Variants in LRRC2 observed in about 807,000 individuals in gnomAD.
LRRC2 encodes leucine rich repeat containing 2.
In LRRC2, 27 loss-of-function variants were observed where a neutral mutation model predicts 40.2. That is an observed-to-expected ratio of 0.67 (90% CI 0.49 to 0.93). The LOEUF (loss-of-function observed/expected upper bound fraction) is 0.93. LRRC2 is among the 40% of genes least tolerant of loss of function. LRRC2 has a pLI of 0.00. For synonymous variants in LRRC2, 147 were observed against 158.9 expected (o/e 0.92, Z 0.56); for missense variants, 402 against 439.6 (o/e 0.91, Z 0.76).
intron 5 of LRRC2, among the ~76,000 whole-genome samples, 174 bp from the exon 6 acceptor site, chr3:46,530,224 C>T (rs553315267): frequency 8.5e-5 from 13 of 152,230 alleles, no homozygotes; most frequent in African/African-American, 2.6e-4. Flanking sequence ...ACTGTGCACA[C>T]GTAGAGAAGT....
chr3:46,529,832 G>A, intron 6 of LRRC2, 73 bp downstream of exon 6: 1 of 1,484,734 alleles, frequency 6.7e-7, no homozygotes, highest in Non-Finnish European at 9.3e-7. Flanking sequence ...TACTATACAT[G>A]TTTCAAATGT....
At chr3:46,533,784 T>C (rs1704208538) in intron 4 of LRRC2, among the ~76,000 whole-genome samples, 1 of 146,886 alleles carries the variant, frequency 6.8e-6, no homozygotes. Flanking sequence ...CTTTTCTTTC[T>C]TTCTTTCTTT....
chr3:46,549,825 G>A (rs1704604269), intron 2 of LRRC2, among the ~76,000 whole-genome samples: 2 of 152,176 alleles, frequency 1.3e-5, no homozygotes, highest in South Asian at 2.1e-4. Flanking sequence ...GGGCCTCCAT[G>A]CAGCAAGCTT....
chr3:46,557,376 C>A (rs1163454737), intron 1 of LRRC2: 1 of 152,200 alleles, frequency 6.6e-6, no homozygotes, highest in Non-Finnish European at 1.5e-5. Context: ...TATAAAACGG[C>A]CTCATCCCTA....
At chr3:46,542,449 T>C (rs1460075159) in intron 3 of LRRC2, among the ~76,000 whole-genome samples, 1 of 151,584 alleles carries the variant, frequency 6.6e-6, no homozygotes, top group Admixed American at 6.6e-5. Flanking sequence ...GTGAGCCATG[T>C]TCATGCCACT....
intron 3 of LRRC2, among the ~76,000 whole-genome samples, chr3:46,542,383 G>C (rs6772937): frequency 0.31 from 46,431 of 151,664 alleles, 7,610 homozygotes; most frequent in Non-Finnish European, 0.37. Flanking sequence ...GTTGGTTCCA[G>C]CTACAGAGAA....
At chr3:46,551,750 GCTTTT>G in intron 1 of LRRC2, 140 bp from the exon 2 acceptor site, 2 of 153,042 alleles carry the variant, frequency 1.3e-5, no homozygotes, top group Non-Finnish European at 2.0e-5. Context: ...ATGACAGTTT[GCTTTT>G]TTTTTTTTTT....
chr3:46,531,109 G>A (rs983316594), intron 5 of LRRC2, among the ~76,000 whole-genome samples: 1 of 151,508 alleles, frequency 6.6e-6, no homozygotes, highest in African/African-American at 2.4e-5. Context: ...AAAAACTGAT[G>A]GAATTAAAAG....
Position 46,516,963 on chromosome 3 carries a change from T to C in LRRC2, c.*2051A>G, listed in dbSNP as rs574471085. 3.0e-4 allele frequency: 45 copies of C among 152,384 alleles called. No homozygotes were observed. Among genetic ancestry groups the C allele is most frequent in the African/African-American group, 1.1e-3 (44 of 41,582 alleles). 9.4% of individuals were successfully genotyped at this position (152,384 alleles called of 1,614,324 possible). Reference sequence around the variant, plus strand: ...GTGCTTCTTCCTTTAGAATCGCAACTGGCCCCACCTTGGAACGGTTTGGAG... The same window carrying C: ...GTGCTTCTTCCTTTAGAATCGCAACCGGCCCCACCTTGGAACGGTTTGGAG... On this transcript the variant is annotated 3_prime_UTR_variant, in exon 9 of 9. Coordinates refer to ENST00000395905, the MANE Select transcript of LRRC2 (RefSeq NM_024512.5).
At chr3:46,530,583 A>G (rs1270241211) in intron 5 of LRRC2, among the ~76,000 whole-genome samples, 2 of 152,250 alleles carry the variant, frequency 1.3e-5, no homozygotes, top group Non-Finnish European at 2.9e-5. Flanking sequence ...GGTAATTTAT[A>G]AAGAAAAGAG....
At chr3:46,538,879 G>A (rs991917433) in intron 4 of LRRC2, among the ~76,000 whole-genome samples, 166 bp downstream of exon 4, 1 of 152,156 alleles carries the variant, frequency 6.6e-6, no homozygotes, top group Non-Finnish European at 1.5e-5. Flanking sequence ...CCACCCAAAG[G>A]GATGCTGCAA....
intron 1 of LRRC2, among the ~76,000 whole-genome samples, chr3:46,553,614 T>C (rs1704715183): frequency 6.6e-6 from 1 of 151,910 alleles, no homozygotes; most frequent in South Asian, 2.1e-4. Context: ...CAGCCTCCCA[T>C]GTAGCTGGGA....
chr3:46,522,713 T>C lies in LRRC2; in HGVS notation c.930-1055A>G, dbSNP rs998641784. 4.7e-5 allele frequency among the ~76,000 whole-genome samples: 7 copies of C among 150,348 alleles called. No individual in the cohort carries two copies. The Middle Eastern group carries it at 0.01, about 221-fold the overall frequency. ...GGGCAATAGAATGAGAGAGATCCCA[T>C]CTCTGAAAATATAAGAATAAAATTA... is the stretch of plus-strand genomic sequence containing the variant. On this transcript the variant is annotated intron_variant, in intron 7 of 8. Coordinates refer to ENST00000395905, the MANE Select transcript of LRRC2 (RefSeq NM_024512.5).
intron 5 of LRRC2, 76 bp from the exon 6 acceptor site, chr3:46,530,126 G>C: frequency 8.2e-7 from 1 of 1,213,360 alleles, no homozygotes; most frequent in Non-Finnish European, 1.2e-6. Context: ...TTTTAAGATG[G>C]ATATTTCTTC....
intron 1 of LRRC2, chr3:46,559,751 C>T (rs1704893831): frequency 6.6e-6 from 1 of 152,112 alleles, no homozygotes; most frequent in Admixed American, 6.5e-5. Context: ...ACCAAAGGCC[C>T]TGACATATTT....
intron 5 of LRRC2, among the ~76,000 whole-genome samples, chr3:46,530,367 C>A (rs575771715): frequency 6.6e-6 from 1 of 152,150 alleles, no homozygotes; most frequent in Admixed American, 6.5e-5. Context: ...ATTGCTTGAG[C>A]CCAGAAGTTC....
At position 46,516,149 on chromosome 3, in the gene LRRC2, G is replaced by C. The variant is rs1703858952; in HGVS notation, c.*2865C>G. 6.6e-6 allele frequency: 1 copy of C among 151,608 alleles called. No individual in the cohort carries two copies. The highest frequency in any genetic ancestry group is 2.1e-4 in the South Asian group (1 of 4,784). The allele number at this position is 151,608 out of a possible 1,614,324, so 9.4% of individuals were successfully genotyped here. A position where few individuals can be genotyped will look rare whatever the true frequency, so the allele number is the denominator to read the frequency against. On this transcript the variant is annotated 3_prime_UTR_variant, in exon 9 of 9. Transcript: ENST00000395905. ...TTTTTTGCATTTTTAATAGAGACAG[G>C]GTTTCACTATGTTGTTTAGGCTGGT... is the stretch of plus-strand genomic sequence containing the variant.
chr3:46,529,679 G>T (rs1456147546), intron 6 of LRRC2, among the ~76,000 whole-genome samples: 2 of 152,164 alleles, frequency 1.3e-5, no homozygotes, highest in Non-Finnish European at 2.9e-5. Context: ...AGTTCATCAG[G>T]ACAATGAAGA....
At chr3:46,541,337 A>G (rs1704387179) in intron 3 of LRRC2, among the ~76,000 whole-genome samples, 1 of 151,596 alleles carries the variant, frequency 6.6e-6, no homozygotes, top group Non-Finnish European at 1.5e-5. Context: ...CGTCTCAAAA[A>G]AAAAAAAAAA....
Sources: allele counts gnomAD v4.1 joint callset (sites outside exome capture counted in the v4.1 genomes callset), GRCh38; gene constraint gnomAD v4.1.1; transcripts MANE v1.5; gene names NCBI Gene and HGNC (gene_info 2026-07-23, HGNC 2026-07-21).